The following SOX5 variants were observed in gnomAD, a reference collection of about 807,000 sequenced individuals.
SOX5 encodes transcription factor SOX-5.
Under a neutral mutation model 92.0 loss-of-function variants are expected in SOX5, and 9 were observed. The ratio of observed to expected loss-of-function variants is 0.10; its 90% CI spans 0.06 to 0.17. SOX5 has a LOEUF of 0.17. SOX5 is among the 10% of genes least tolerant of loss of function. SOX5 has a pLI of 1.00. For synonymous variants in SOX5, 344 were observed against 336.3 expected, an observed-to-expected ratio of 1.02 and a Z score of -0.25; for missense variants, 642 against 944.5, an observed-to-expected ratio of 0.68 and a Z score of 4.20.
Position 24,038,400 on chromosome 12 carries a change from T to C in SOX5, c.-1-142376A>G, listed in dbSNP as rs192801360. ...CTCTATTGTGATTCCCAGTGACCCATAGAACAGGATTTCACTAGTCCTATG... is the reference window on the plus strand; with the variant it reads ...CTCTATTGTGATTCCCAGTGACCCACAGAACAGGATTTCACTAGTCCTATG... On this transcript the variant is annotated intron_variant, in intron 4 of 4. Coordinates refer to the SOX5 transcript ENST00000446891. Among the ~76,000 whole-genome samples the C allele has an allele frequency of 1.8e-4, 28 of 152,252 alleles. No homozygotes were observed. In the East Asian group the frequency reaches 2.3e-3, roughly 13 times the overall value.
intron 9 of SOX5, among the ~76,000 whole-genome samples, chr12:23,600,553 A>ATATG (rs56115010): frequency 5.2e-5 from 4 of 77,352 alleles, no homozygotes; most frequent in African/African-American, 1.5e-4. Flanking sequence ...ATATATATAT[A>ATATG]CACATACTTG....
At chr12:24,126,239 A>G (rs16927204) in intron 4 of SOX5, among the ~76,000 whole-genome samples, 1 of 152,054 alleles carries the variant, frequency 6.6e-6, no homozygotes, top group Non-Finnish European at 1.5e-5. Context: ...TTCCAAATCT[A>G]TATTTCTCCC....
At chr12:24,085,220 G>A (rs1007028923) in intron 4 of SOX5, among the ~76,000 whole-genome samples, 4 of 152,116 alleles carry the variant, frequency 2.6e-5, no homozygotes, top group African/African-American at 7.2e-5. Flanking sequence ...ATGCCTTTCA[G>A]CCTGTTCACC....
At chr12:23,658,495 A>G (rs2082601406) in intron 7 of SOX5, among the ~76,000 whole-genome samples, 1 of 152,216 alleles carries the variant, frequency 6.6e-6, no homozygotes, top group South Asian at 2.1e-4. Flanking sequence ...AAACATTTAC[A>G]AAGCTTTACA....
intron 7 of SOX5, among the ~76,000 whole-genome samples, chr12:23,661,777 A>T (rs1203635376): frequency 6.6e-6 from 1 of 152,208 alleles, no homozygotes; most frequent in African/African-American, 2.4e-5. Flanking sequence ...TCCACTGTGT[A>T]CTTGAACCAA....
intron 4 of SOX5, among the ~76,000 whole-genome samples, chr12:24,034,880 T>C (rs929702853): frequency 6.6e-6 from 1 of 152,138 alleles, no homozygotes; most frequent in African/African-American, 2.4e-5. Flanking sequence ...CATTTTTGTT[T>C]ACTCTAGGCC....
intron 2 of SOX5, among the ~76,000 whole-genome samples, chr12:24,309,543 C>G (rs1422634327): frequency 6.6e-6 from 1 of 151,764 alleles, no homozygotes; most frequent in East Asian, 1.9e-4. Context: ...CTTTTTAAAT[C>G]AACATTTAGA....
intron 4 of SOX5, among the ~76,000 whole-genome samples, chr12:24,186,244 A>G (rs962228405): frequency 8.5e-5 from 13 of 152,210 alleles, no homozygotes; most frequent in African/African-American, 2.9e-4. Context: ...TCTGAGTAGT[A>G]TGAGGTGAGT....
In SOX5 at chr12:24,477,750, G is replaced by A. The variant is rs142120692; in HGVS notation, c.-251+84579C>T. 1.8e-3 allele frequency among the ~76,000 whole-genome samples: 278 copies of A among 151,770 alleles called. 2 individuals carry two copies. Among genetic ancestry groups the A allele is most frequent in the African/African-American group, 6.6e-3 (273 of 41,442 alleles). ...AAATACTATTAAAATTGAAGAGCTTGGTAAAATTGTTTAGCTATAAGTATT... is the reference window on the plus strand; with the variant it reads ...AAATACTATTAAAATTGAAGAGCTTAGTAAAATTGTTTAGCTATAAGTATT... On this transcript the variant is annotated intron_variant, in intron 1 of 4. Transcript: ENST00000446891.
At chr12:23,821,327 G>C (rs1243082702) in intron 3 of SOX5, among the ~76,000 whole-genome samples, 4 of 152,228 alleles carry the variant, frequency 2.6e-5, no homozygotes, top group Non-Finnish European at 5.9e-5. Flanking sequence ...TTTTGGGGCT[G>C]AGATGATGGG....
In SOX5 at chr12:23,627,743, C is replaced by T. The variant is rs537677093; in HGVS notation, c.1017+13069G>A. Among the ~76,000 whole-genome samples the T allele has an allele frequency of 2.0e-5, 3 of 152,018 alleles. No individual in the cohort carries two copies. In the South Asian group the frequency reaches 6.2e-4, roughly 32 times the overall value. ...GTTATCCTAGAGCTCAAGCTCATAA[C>T]CCATTATATCAAACCTACCATTTAA... On this transcript the variant is annotated intron_variant, in intron 8 of 14. Coordinates refer to ENST00000451604, the MANE Select transcript of SOX5 (RefSeq NM_006940.6).
intron 1 of SOX5, among the ~76,000 whole-genome samples, chr12:24,395,220 A>G (rs1959603983): frequency 1.3e-5 from 2 of 152,072 alleles, no homozygotes. Context: ...CAGAGCCTGG[A>G]GAATAAGGAT....
intron 1 of SOX5, among the ~76,000 whole-genome samples, chr12:24,466,485 T>C (rs1349378173): frequency 6.6e-6 from 1 of 152,170 alleles, no homozygotes; most frequent in Non-Finnish European, 1.5e-5. Context: ...GTCATCTTGG[T>C]CCTCCATGGA....
At chr12:24,253,973 C>G (rs1940665414) in intron 3 of SOX5, among the ~76,000 whole-genome samples, 1 of 152,014 alleles carries the variant, frequency 6.6e-6, no homozygotes, top group African/African-American at 2.4e-5. Context: ...TAGTAAGTAC[C>G]TCACTGTTTT....
At chr12:23,708,500 TAG>T (rs1422732761) in intron 6 of SOX5, among the ~76,000 whole-genome samples, 3 of 152,118 alleles carry the variant, frequency 2.0e-5, no homozygotes, top group Non-Finnish European at 4.4e-5. Flanking sequence ...TTTAATTTTG[TAG>T]AGAGTCAGTA....
chr12:24,443,961 T>G (rs1279622770), intron 1 of SOX5, among the ~76,000 whole-genome samples: 1 of 152,190 alleles, frequency 6.6e-6, no homozygotes, highest in Non-Finnish European at 1.5e-5. Context: ...TGCCAAAGTT[T>G]AAGAAGCTTC....
chr12:24,510,054 C>CATGTCAT (rs1389045894), intron 1 of SOX5, among the ~76,000 whole-genome samples: 4 of 152,168 alleles, frequency 2.6e-5, no homozygotes, highest in African/African-American at 9.7e-5. Context: ...AAATAAGAAA[C>CATGTCAT]ATGTCATCTG....
chr12:24,001,957 C>A (rs1951651923), intron 4 of SOX5, among the ~76,000 whole-genome samples: 1 of 151,940 alleles, frequency 6.6e-6, no homozygotes, highest in Non-Finnish European at 1.5e-5. Flanking sequence ...AAGTGAAGCC[C>A]TGTCTCTAAA....
intron 6 of SOX5, among the ~76,000 whole-genome samples, chr12:23,691,252 A>G (rs900340126): frequency 1.1e-4 from 16 of 152,190 alleles, no homozygotes; most frequent in African/African-American, 3.6e-4. Flanking sequence ...CAAGATTCCT[A>G]AATTATTTCT....
Sources: gnomAD v4.1 joint callset for allele counts (sites outside exome capture counted in the v4.1 genomes callset) on GRCh38, gnomAD v4.1.1 for gene constraint, MANE v1.5 for transcripts, NCBI Gene and HGNC (gene_info 2026-07-23, HGNC 2026-07-21) for gene names.